The following NRXN1 variants were observed in gnomAD, a reference collection of about 807,000 sequenced individuals.
NRXN1 encodes neurexin 1.
In NRXN1, 39 loss-of-function variants were observed where a neutral mutation model predicts 150.9. That is an observed-to-expected ratio of 0.26 (90% CI 0.20 to 0.34). The LOEUF (loss-of-function observed/expected upper bound fraction) is 0.34, where lower values mean the gene tolerates loss of function less well. Among genes scored for constraint, NRXN1 ranks in the 10% least tolerant of loss-of-function variants. The pLI is 1.00. For synonymous variants in NRXN1, 924 were observed against 757.0 expected (o/e 1.22, Z -3.62); for missense variants, 1,815 against 1,949.9 (o/e 0.93, Z 1.30).
At chr2:50,259,142 G>C (rs2068003577) in intron 17 of NRXN1, among the ~76,000 whole-genome samples, 2 of 151,908 alleles carry the variant, frequency 1.3e-5, no homozygotes, top group Non-Finnish European at 2.9e-5. Flanking sequence ...TCTGAAAACA[G>C]GCATTGACTT....
intron 5 of NRXN1, among the ~76,000 whole-genome samples, chr2:50,684,607 T>A (rs1030233403): frequency 2.0e-5 from 3 of 152,172 alleles, no homozygotes; most frequent in Non-Finnish European, 4.4e-5. Flanking sequence ...AGGTAAGTTG[T>A]TCCTCAACTA....
intron 5 of NRXN1, among the ~76,000 whole-genome samples, chr2:50,754,915 CAT>C (rs1347064641): frequency 1.3e-5 from 2 of 151,830 alleles, no homozygotes; most frequent in African/African-American, 4.8e-5. Flanking sequence ...ATTTTTAAAA[CAT>C]AGCTTTCATT....
chr2:49,955,891 G>C (rs1239723991), intron 21 of NRXN1, among the ~76,000 whole-genome samples: 1 of 151,850 alleles, frequency 6.6e-6, no homozygotes, highest in East Asian at 1.9e-4. Flanking sequence ...TCATCCATTT[G>C]TACTCATTTG....
At chr2:50,150,594 T>C (rs189024271) in intron 18 of NRXN1, among the ~76,000 whole-genome samples, 102 of 151,942 alleles carry the variant, frequency 6.7e-4, no homozygotes, top group Non-Finnish European at 1.3e-3. Context: ...TTACAATTTC[T>C]GAACTGCAGA....
chr2:49,921,841 T>C lies in NRXN1; in HGVS notation c.*103A>G, dbSNP rs1668257802. On this transcript the variant is annotated 3_prime_UTR_variant, in exon 23 of 23. Coordinates refer to ENST00000401669, the MANE Select transcript of NRXN1 (RefSeq NM_001330078.2). ...TCCTTCCTGATTGCATTCCCTGTCT[T>C]CTTTTGTATGTGCTTCATAAAAAGG... 8.6e-7 allele frequency: 1 copy of C among 1,164,292 alleles called. No individual in the cohort carries two copies. The highest frequency in any genetic ancestry group is 1.5e-5 in the African/African-American group (1 of 64,578). 72.1% of individuals were successfully genotyped at this position (1,164,292 alleles called of 1,614,324 possible). A position where few individuals can be genotyped will look rare whatever the true frequency, so the allele number is the denominator to read the frequency against.
chr2:50,651,277 C>T (rs2104558406), intron 5 of NRXN1, among the ~76,000 whole-genome samples: 1 of 152,002 alleles, frequency 6.6e-6, no homozygotes, highest in Non-Finnish European at 1.5e-5. Context: ...ATAAAATTAA[C>T]TCTTGAGCTT....
At chr2:50,566,141 G>A (rs776455791) in intron 8 of NRXN1, among the ~76,000 whole-genome samples, 3 of 152,124 alleles carry the variant, frequency 2.0e-5, no homozygotes, top group African/African-American at 7.2e-5. Flanking sequence ...CTTCTATTTC[G>A]GTTGTATGTT....
intron 3 of NRXN1, chr2:50,923,539 C>G: frequency 8.8e-6 from 2 of 226,796 alleles, no homozygotes; most frequent in South Asian, 8.9e-5. Context: ...GAGCACTTCT[C>G]TTCTAAATAA....
At chr2:50,431,047 G>A (rs557487655) in intron 17 of NRXN1, among the ~76,000 whole-genome samples, 2 of 152,154 alleles carry the variant, frequency 1.3e-5, no homozygotes, top group East Asian at 3.9e-4. Flanking sequence ...TACTCTTCTT[G>A]TCAACAAAGA....
chr2:51,031,447 A>G (rs1365345584), intron 1 of NRXN1, among the ~76,000 whole-genome samples: 1 of 152,060 alleles, frequency 6.6e-6, no homozygotes, highest in Non-Finnish European at 1.5e-5. Context: ...TTCAATATAT[A>G]TATATATCTT....
intron 5 of NRXN1, among the ~76,000 whole-genome samples, chr2:50,778,594 G>C (rs1403966627): frequency 6.6e-6 from 1 of 152,144 alleles, no homozygotes; most frequent in Non-Finnish European, 1.5e-5. Context: ...TAATGAAAGA[G>C]ACAGAGATGA....
intron 5 of NRXN1, among the ~76,000 whole-genome samples, chr2:50,639,025 T>C (rs1350444284): frequency 6.6e-6 from 1 of 152,030 alleles, no homozygotes; most frequent in African/African-American, 2.4e-5. Flanking sequence ...CATCCAAACT[T>C]TGGAAAACAC....
At chr2:50,525,171 T>C (rs1223072156) in intron 12 of NRXN1, among the ~76,000 whole-genome samples, 2 of 152,240 alleles carry the variant, frequency 1.3e-5, no homozygotes, top group African/African-American at 2.4e-5. Context: ...AACAGTCATC[T>C]TCTCATGCAA....
chr2:50,512,087 A>C (rs1232453483), intron 12 of NRXN1, among the ~76,000 whole-genome samples: 1 of 152,212 alleles, frequency 6.6e-6, no homozygotes, highest in African/African-American at 2.4e-5. Flanking sequence ...ATATTAAAAA[A>C]AAAACTTTCC....
intron 5 of NRXN1, among the ~76,000 whole-genome samples, chr2:50,722,772 C>G (rs1416610556): frequency 6.6e-6 from 1 of 152,132 alleles, no homozygotes; most frequent in Non-Finnish European, 1.5e-5. Flanking sequence ...ATTTGAAATT[C>G]TTTCGAATTG....
intron 17 of NRXN1, among the ~76,000 whole-genome samples, chr2:50,315,182 CCT>C (rs541792827): frequency 1.3e-4 from 20 of 151,788 alleles, no homozygotes; most frequent in South Asian, 1.0e-3. Context: ...TTTTTTTCCC[CCT>C]GTTTTAGTAT....
intron 5 of NRXN1, among the ~76,000 whole-genome samples, chr2:50,704,494 T>C (rs1404254631): frequency 6.6e-6 from 1 of 151,920 alleles, no homozygotes; most frequent in Non-Finnish European, 1.5e-5. Flanking sequence ...AAAGCATTAA[T>C]TTAGAAGCTA....
intron 17 of NRXN1, among the ~76,000 whole-genome samples, chr2:50,407,092 T>G (rs1223141640): frequency 2.0e-5 from 3 of 152,136 alleles, no homozygotes; most frequent in African/African-American, 7.2e-5. Flanking sequence ...TATACATTTT[T>G]TAAAAAATTA....
At chr2:50,183,320 T>C (rs1202429395) in intron 18 of NRXN1, among the ~76,000 whole-genome samples, 2 of 152,064 alleles carry the variant, frequency 1.3e-5, no homozygotes, top group Non-Finnish European at 2.9e-5. Context: ...AGGGTTCATA[T>C]TTAGCAGCTG....
Sources: allele counts gnomAD v4.1 joint callset (sites outside exome capture counted in the v4.1 genomes callset), GRCh38; gene constraint gnomAD v4.1.1; transcripts MANE v1.5; gene names NCBI Gene and HGNC (gene_info 2026-07-23, HGNC 2026-07-21).